The following LRRC72 variants were observed in gnomAD, a reference collection of about 807,000 sequenced individuals.
The protein encoded by LRRC72 is leucine rich repeat containing 72.
In LRRC72, 41 loss-of-function variants were observed where a neutral mutation model predicts 35.8. That is an observed-to-expected ratio of 1.15 (90% CI 0.89 to 1.49). The LOEUF (loss-of-function observed/expected upper bound fraction) is 1.49. Ranked by LOEUF, LRRC72 falls within the 40% of genes most tolerant of loss-of-function variation. The pLI, the probability that LRRC72 is intolerant of heterozygous loss-of-function variation, is 0.00. For missense variants in LRRC72, 389 were observed against 330.7 expected (o/e 1.18, Z -1.37); for synonymous variants, 118 against 119.2 (o/e 0.99, Z 0.07).
chr7:16,537,931 A>C (rs1258385376), intron 3 of LRRC72, among the ~76,000 whole-genome samples: 2 of 152,168 alleles, frequency 1.3e-5, no homozygotes, highest in Non-Finnish European at 2.9e-5. Flanking sequence ...ATCAAATTGC[A>C]ATTTTACTTT....
At chr7:16,573,314 A>G (rs1283697207) in intron 7 of LRRC72, among the ~76,000 whole-genome samples, 2 of 152,222 alleles carry the variant, frequency 1.3e-5, no homozygotes, top group African/African-American at 2.4e-5. Context: ...TTTAAATTTC[A>G]TATGGAACCA....
chr7:16,573,232 G>A (rs1214296918), intron 7 of LRRC72, among the ~76,000 whole-genome samples: 1 of 152,144 alleles, frequency 6.6e-6, no homozygotes, highest in Non-Finnish European at 1.5e-5. Context: ...ACTGCCCAAA[G>A]TAATTTACAG....
intron 4 of LRRC72, among the ~76,000 whole-genome samples, chr7:16,557,901 A>G (rs1287337756): frequency 6.6e-6 from 1 of 152,212 alleles, no homozygotes; most frequent in African/African-American, 2.4e-5. Flanking sequence ...ATGATCATGA[A>G]ATACAAAGAA....
At chr7:16,534,590 C>T (rs1782221271) in intron 2 of LRRC72, among the ~76,000 whole-genome samples, 1 of 152,006 alleles carries the variant, frequency 6.6e-6, no homozygotes, top group African/African-American at 2.4e-5. Flanking sequence ...TGTATTAAAA[C>T]AACTTTCGCG....
At chr7:16,563,380 T>C (rs9791909) in intron 5 of LRRC72, among the ~76,000 whole-genome samples, 8,657 of 152,212 alleles carry the variant, frequency 0.057, 325 homozygotes, top group East Asian at 0.14. Context: ...TGATATATCA[T>C]TGGGTAAATG....
At chr7:16,529,367 G>C (rs1005917296) in intron 1 of LRRC72, among the ~76,000 whole-genome samples, 2 of 152,082 alleles carry the variant, frequency 1.3e-5, no homozygotes, top group African/African-American at 2.4e-5. Flanking sequence ...AAATCTTCCA[G>C]CGTGTCCAGG....
rs192204466 is a variant in LRRC72 at position 16,527,840 on chromosome 7, A to T, written c.90+798A>T. 6.1e-3 allele frequency among the ~76,000 whole-genome samples: 932 copies of T among 152,262 alleles called. 7 individuals carry two copies. The highest frequency in any genetic ancestry group is 9.1e-3 in the Non-Finnish European group (622 of 68,016). On this transcript the variant is annotated intron_variant, in intron 1 of 8. Transcript: ENST00000401542. ...GAGGGCATTTTCTTCTATAGGTTTT[A>T]ATACTGACCTTATTCTTCTAGGATT... is the stretch of plus-strand genomic sequence containing the variant.
intron 3 of LRRC72, among the ~76,000 whole-genome samples, chr7:16,547,298 T>G (rs1167879946): frequency 6.6e-6 from 1 of 151,792 alleles, no homozygotes; most frequent in Non-Finnish European, 1.5e-5. Context: ...AGCAGTGTGG[T>G]TGGGCACGGA....
intron 5 of LRRC72, among the ~76,000 whole-genome samples, chr7:16,564,430 A>T (rs1331853015): frequency 6.6e-6 from 1 of 151,794 alleles, no homozygotes; most frequent in Non-Finnish European, 1.5e-5. Context: ...CCTGTCCTGC[A>T]GTTATAATTA....
intron 7 of LRRC72, among the ~76,000 whole-genome samples, chr7:16,577,722 A>T (rs1165279345): frequency 6.6e-6 from 1 of 152,266 alleles, no homozygotes; most frequent in Non-Finnish European, 1.5e-5. Context: ...CAATTTAAAA[A>T]TCCCAGTAGA....
intron 7 of LRRC72, among the ~76,000 whole-genome samples, chr7:16,573,551 G>A (rs958163235): frequency 9.2e-5 from 14 of 152,120 alleles, no homozygotes; most frequent in Admixed American, 1.3e-4. Flanking sequence ...CAAGCAATGG[G>A]GAAAGGATTC....
chr7:16,527,081 G>C, intron 1 of LRRC72, 39 bp downstream of exon 1: 1 of 1,511,480 alleles, frequency 6.6e-7, no homozygotes, highest in South Asian at 1.2e-5. Context: ...CAGCCCCTTT[G>C]GCCCCCTGCC....
At chr7:16,532,166 T>TA (rs1258386137) in intron 1 of LRRC72, among the ~76,000 whole-genome samples, 2 of 152,176 alleles carry the variant, frequency 1.3e-5, no homozygotes, top group Non-Finnish European at 2.9e-5. Flanking sequence ...AAGAATCATT[T>TA]AAAAATAGTT....
intron 3 of LRRC72, among the ~76,000 whole-genome samples, chr7:16,544,819 T>A (rs140196637): frequency 6.6e-6 from 1 of 152,228 alleles, no homozygotes; most frequent in Non-Finnish European, 1.5e-5. Context: ...AGAACCTGTC[T>A]AATGCCTCAC....
chr7:16,552,922 C>A (rs373512190), intron 3 of LRRC72, among the ~76,000 whole-genome samples: 51 of 152,234 alleles, frequency 3.4e-4, no homozygotes, highest in African/African-American at 1.2e-3. Flanking sequence ...GCTGTATAAT[C>A]GTGGGTAAAT....
intron 3 of LRRC72, among the ~76,000 whole-genome samples, chr7:16,548,956 G>T (rs1187148205): frequency 6.6e-6 from 1 of 152,212 alleles, no homozygotes; most frequent in Non-Finnish European, 1.5e-5. Flanking sequence ...TACAATAAGA[G>T]CAGAGAATTT....
In LRRC72 at chr7:16,526,832, G is replaced by C; in HGVS notation, c.-121G>C. On this transcript the variant is annotated 5_prime_UTR_variant, in exon 1 of 9. Coordinates refer to ENST00000401542, the MANE Select transcript of LRRC72 (RefSeq NM_001195280.2). ...CAGTGTGGACTGGCTTTTAGTCAAC[G>C]GGAATGCGGTAACTGTTGGTAACAG... is the stretch of plus-strand genomic sequence containing the variant. 1 of 779,384 alleles carries C rather than the reference G, an allele frequency of 1.3e-6. No homozygotes were observed. Among genetic ancestry groups the C allele is most frequent in the Non-Finnish European group, 2.1e-6 (1 of 469,702 alleles). 48.3% of individuals were successfully genotyped at this position (779,384 alleles called of 1,614,324 possible).
In LRRC72 at chr7:16,531,686, T is replaced by C. The variant is rs187147304; in HGVS notation, c.91-809T>C. ...CACTTTTGTCATGTCTTGTGAGCTC[T>C]ACTTTCTCATGGAAAATTACAGACA... On this transcript the variant is annotated intron_variant, in intron 1 of 8. Coordinates refer to ENST00000401542, the MANE Select transcript of LRRC72 (RefSeq NM_001195280.2). Among the ~76,000 whole-genome samples, 21 of 152,352 alleles carry C rather than the reference T, an allele frequency of 1.4e-4. No homozygotes were observed. In the East Asian group the frequency reaches 2.1e-3, roughly 15 times the overall value.
At chr7:16,559,134 C>T (rs998878189) in intron 5 of LRRC72, 135 bp downstream of exon 5, 2 of 523,436 alleles carry the variant, frequency 3.8e-6, no homozygotes, top group African/African-American at 3.9e-5. Context: ...TGACTCACGC[C>T]TGTAATCTCA....
Sources: allele counts gnomAD v4.1 joint callset (sites outside exome capture counted in the v4.1 genomes callset), GRCh38; gene constraint gnomAD v4.1.1; transcripts MANE v1.5; gene names NCBI Gene and HGNC (gene_info 2026-07-23, HGNC 2026-07-21).